The following TRIM5 variants were observed in gnomAD, a reference collection of about 807,000 sequenced individuals.
TRIM5 encodes tripartite motif-containing protein 5.
TRIM5 carries 31 observed loss-of-function variants against 35.6 expected under a neutral mutation model. The ratio of observed to expected loss-of-function variants is 0.87; its 90% CI spans 0.65 to 1.18. The LOEUF (loss-of-function observed/expected upper bound fraction) is 1.18, where lower values mean the gene tolerates loss of function less well. TRIM5 is among the 50% of genes most tolerant of loss of function. The probability of loss-of-function intolerance (pLI) is 0.00; values close to 1 mark genes in which losing one functional copy is unlikely to be tolerated. For synonymous variants in TRIM5, 243 were observed against 215.6 expected (o/e 1.13, Z -1.11); for missense variants, 609 against 591.6 (o/e 1.03, Z -0.31).
chr11:5,589,697 T>A, the TRIM5 span: 1 of 154,504 alleles, frequency 6.5e-6, no homozygotes, highest in Non-Finnish European at 1.4e-5. Flanking sequence ...GGTCTACTTG[T>A]GAGAGGTGAC....
chr11:5,674,378 A>G (rs1472511240), intron 4 of TRIM5, among the ~76,000 whole-genome samples: 8 of 152,248 alleles, frequency 5.3e-5, no homozygotes, highest in Non-Finnish European at 1.2e-4. Context: ...TAACACAGAA[A>G]GAAGAAAAAG....
the TRIM5 span, among the ~76,000 whole-genome samples, chr11:5,631,737 T>A: frequency 6.6e-6 from 1 of 152,196 alleles, no homozygotes; most frequent in Admixed American, 6.5e-5. Context: ...AAAGTTTTAG[T>A]CATCTGTGGA....
chr11:5,628,411 G>C, the TRIM5 span, among the ~76,000 whole-genome samples: 1 of 152,192 alleles, frequency 6.6e-6, no homozygotes, highest in Admixed American at 6.5e-5. Flanking sequence ...ATCCTGGTCT[G>C]ACCAATGGTC....
chr11:5,641,445 T>A, the TRIM5 span: 1 of 898,642 alleles, frequency 1.1e-6, no homozygotes, highest in Non-Finnish European at 1.5e-6. Flanking sequence ...TGAGAGCTTT[T>A]ACTGTCAGAC....
intron 4 of TRIM5, among the ~76,000 whole-genome samples, chr11:5,672,668 A>G (rs959507356): frequency 3.9e-5 from 6 of 152,228 alleles, no homozygotes; most frequent in East Asian, 3.8e-4. Context: ...TTTATTTCCC[A>G]AAGTATTTTC....
Position 5,678,289 on chromosome 11 carries a change from T to C in TRIM5, c.659A>G (p.Glu220Gly). ...CAGGGACTGGGTCTGCTGCACCATC[T>C]CAGTTTCAGAGTTCGTAAGGCTTTT... ...ILKSLTNSET[E>G]MVQQTQSLRE... Residue 220 changes from glutamate (E) to glycine (G), a missense_variant, in exon 4 of 8, where the codon GAG becomes GGG. Transcript: ENST00000380034. The C allele has an allele frequency of 6.2e-7, 1 of 1,614,162 alleles. No homozygotes were observed. The highest frequency in any genetic ancestry group is 8.5e-7 in the Non-Finnish European group (1 of 1,179,998).
chr11:5,631,078 C>T, the TRIM5 span, among the ~76,000 whole-genome samples: 2 of 152,122 alleles, frequency 1.3e-5, no homozygotes. Context: ...TTCTATTCCT[C>T]GATGATCTGA....
intron 5 of TRIM5, among the ~76,000 whole-genome samples, chr11:5,666,683 C>T (rs117287496): frequency 6.4e-4 from 97 of 152,296 alleles, no homozygotes; most frequent in Admixed American, 1.4e-3. Flanking sequence ...ATTATGTGCA[C>T]TAAACTATTA....
At chr11:5,642,311 T>G in the TRIM5 span, 1 of 1,121,294 alleles carries the variant, frequency 8.9e-7, no homozygotes, top group Non-Finnish European at 1.3e-6. Flanking sequence ...AGGGTTCAAG[T>G]GCATCAGTGA....
chr11:5,610,601 G>A, the TRIM5 span: 1 of 1,601,796 alleles, frequency 6.2e-7, no homozygotes, highest in South Asian at 1.1e-5. Context: ...GGCACATTCT[G>A]ATCTCCTTTC....
At position 5,665,327 on chromosome 11, in the gene TRIM5, A is replaced by C. The variant is rs749810281; in HGVS notation, c.964T>G (p.Ser322Ala). The C allele has an allele frequency of 2.2e-5, 35 of 1,613,870 alleles. No individual in the cohort carries two copies. Among genetic ancestry groups the C allele is most frequent in the Middle Eastern group, 1.6e-4 (1 of 6,082 alleles). ...VISEDKRQVS[S>A]PKPQIIYGAR... ...CCATATATTATCTGTGGTTTCGGAG[A>C]GCTCACTTGTCTCTTATCTTCAGAA... Residue 322 changes from serine to alanine, a missense_variant, in exon 8 of 8, where the codon TCT (serine) becomes GCT (alanine). By Grantham distance (99) the Ser-to-Ala change is moderately conservative. Coordinates refer to ENST00000380034, the MANE Select transcript of TRIM5 (RefSeq NM_033034.3).
chr11:5,657,791 G>C, the TRIM5 span, among the ~76,000 whole-genome samples: 1 of 144,734 alleles, frequency 6.9e-6, no homozygotes, highest in South Asian at 2.1e-4. Context: ...AATTTTTGTA[G>C]TTTTAGTAGA....
At chr11:5,646,945 C>G in the TRIM5 span, among the ~76,000 whole-genome samples, 5 of 151,926 alleles carry the variant, frequency 3.3e-5, no homozygotes, top group African/African-American at 1.2e-4. Context: ...TTAAAAAAAA[C>G]AAACAAAAAA....
chr11:5,625,629 A>C, the TRIM5 span, among the ~76,000 whole-genome samples: 1 of 152,112 alleles, frequency 6.6e-6, no homozygotes, highest in Admixed American at 6.6e-5. Context: ...ACGTATTCTT[A>C]GTCCTTGGCC....
the TRIM5 span, chr11:5,642,389 A>T: frequency 3.7e-6 from 6 of 1,609,360 alleles, no homozygotes; most frequent in African/African-American, 1.3e-5. Context: ...GGGTCAAAAA[A>T]TTTTTTTCAT....
chr11:5,607,151 C>T, the TRIM5 span, among the ~76,000 whole-genome samples: 1 of 152,090 alleles, frequency 6.6e-6, no homozygotes, highest in African/African-American at 2.4e-5. Context: ...GTGCAGTGAG[C>T]CGAGATCGCA....
the TRIM5 span, among the ~76,000 whole-genome samples, chr11:5,601,612 G>A: frequency 6.6e-6 from 1 of 152,124 alleles, no homozygotes; most frequent in Non-Finnish European, 1.5e-5. Flanking sequence ...ACAAAAATTA[G>A]CTGGGCATGG....
the TRIM5 span, chr11:5,634,650 G>C: frequency 1.9e-6 from 3 of 1,613,286 alleles, no homozygotes; most frequent in Non-Finnish European, 2.5e-6. Context: ...CAAACTGAGA[G>C]ACAAAGGATA....
chr11:5,679,500 G>A (rs563831865), intron 2 of TRIM5, among the ~76,000 whole-genome samples: 17 of 152,016 alleles, frequency 1.1e-4, no homozygotes, highest in Admixed American at 8.5e-4. Context: ...AGCTTTTCTT[G>A]GACACCAAAT....
Sources: gnomAD v4.1 joint callset for allele counts (sites outside exome capture counted in the v4.1 genomes callset) on GRCh38, gnomAD v4.1.1 for gene constraint, MANE v1.5 for transcripts, NCBI Gene and HGNC (gene_info 2026-07-23, HGNC 2026-07-21) for gene names.